Variants in SPOCK1 observed in about 807,000 individuals in gnomAD.
The protein encoded by SPOCK1 is testican-1.
A neutral mutation model predicts 55.3 loss-of-function variants in SPOCK1; 23 were observed. That is an observed-to-expected ratio of 0.42 (90% CI 0.30 to 0.59). The LOEUF (loss-of-function observed/expected upper bound fraction) is 0.59, where lower values mean the gene tolerates loss of function less well. Ranked by LOEUF, SPOCK1 falls within the 20% of genes least tolerant of loss-of-function variation. The pLI, the probability that SPOCK1 is intolerant of heterozygous loss-of-function variation, is 0.22. For synonymous variants in SPOCK1, 226 were observed against 221.0 expected (o/e 1.02, Z -0.20); for missense variants, 499 against 552.5 (o/e 0.90, Z 0.97).
intron 2 of SPOCK1, among the ~76,000 whole-genome samples, chr5:137,363,470 C>T (rs1439915310): frequency 6.6e-6 from 1 of 152,162 alleles, no homozygotes; most frequent in Non-Finnish European, 1.5e-5. Flanking sequence ...CACAGTTCAG[C>T]TTGATGGTTA....
intron 2 of SPOCK1, among the ~76,000 whole-genome samples, chr5:137,451,958 A>AT (rs543013476): frequency 1.4e-4 from 21 of 152,120 alleles, no homozygotes; most frequent in Non-Finnish European, 2.5e-4. Flanking sequence ...TAGATTTTGG[A>AT]TTTTTTCCAT....
intron 9 of SPOCK1, among the ~76,000 whole-genome samples, chr5:136,982,198 A>G (rs1249027374): frequency 6.6e-6 from 1 of 152,186 alleles, no homozygotes; most frequent in Non-Finnish European, 1.5e-5. Context: ...ATGTCTATAG[A>G]GCAACTGATG....
chr5:137,397,063 A>G (rs180913206), intron 2 of SPOCK1, among the ~76,000 whole-genome samples: 1 of 152,332 alleles, frequency 6.6e-6, no homozygotes, highest in African/African-American at 2.4e-5. Flanking sequence ...TAAGTGAGCA[A>G]TTGAGGCAGG....
At chr5:137,142,203 A>G (rs1333287989) in intron 3 of SPOCK1, among the ~76,000 whole-genome samples, 1 of 152,212 alleles carries the variant, frequency 6.6e-6, no homozygotes, top group Non-Finnish European at 1.5e-5. Flanking sequence ...AAGAAATGAC[A>G]TGGTCAAAAA....
In SPOCK1 at chr5:136,977,402, C is replaced by A. The variant is rs572031912; in HGVS notation, c.*1252G>T. 3.2e-5 allele frequency: 5 copies of A among 158,484 alleles called. No homozygotes were observed. Among genetic ancestry groups the A allele is most frequent in the African/African-American group, 1.2e-4 (5 of 41,740 alleles). 9.8% of individuals were successfully genotyped at this position (158,484 alleles called of 1,614,324 possible). A position where few individuals can be genotyped will look rare whatever the true frequency, so the allele number is the denominator to read the frequency against. The stretch of plus-strand genomic sequence containing the variant: ...GTGTTATTACGATGTTCTTTGTAGG[C>A]CTCCATTTGGGATTGAGTGGTTAAA... On this transcript the variant is annotated 3_prime_UTR_variant, in exon 11 of 11. Coordinates refer to ENST00000394945, the MANE Select transcript of SPOCK1 (RefSeq NM_004598.4).
intron 3 of SPOCK1, among the ~76,000 whole-genome samples, chr5:137,156,548 A>T: frequency 6.6e-6 from 1 of 152,024 alleles, no homozygotes; most frequent in East Asian, 1.9e-4. Context: ...CACCTACTAC[A>T]TGCAGAGAGT....
At chr5:137,281,372 G>A (rs867722421) in intron 2 of SPOCK1, among the ~76,000 whole-genome samples, 1 of 152,146 alleles carries the variant, frequency 6.6e-6, no homozygotes, top group Non-Finnish European at 1.5e-5. Context: ...GAGCTTCTTG[G>A]GCCATGATCA....
chr5:137,283,381 C>T (rs191593243), intron 2 of SPOCK1, among the ~76,000 whole-genome samples: 8 of 152,236 alleles, frequency 5.3e-5, no homozygotes, highest in Admixed American at 2.6e-4. Flanking sequence ...GCATGCCTGT[C>T]GGCCTCAGTC....
intron 6 of SPOCK1, among the ~76,000 whole-genome samples, chr5:137,028,245 C>T (rs1751713975): frequency 1.3e-5 from 2 of 152,254 alleles, no homozygotes; most frequent in African/African-American, 4.8e-5. Context: ...TCTCTGGCCA[C>T]ATGAAACAGA....
chr5:137,051,242 T>C (rs930701485), intron 6 of SPOCK1, among the ~76,000 whole-genome samples: 1 of 152,226 alleles, frequency 6.6e-6, no homozygotes, highest in Non-Finnish European at 1.5e-5. Context: ...TTATTAGTAG[T>C]ACTTTTCCAA....
At position 137,242,544 on chromosome 5, in the gene SPOCK1, T is replaced by G. The variant is rs1254503408; in HGVS notation, c.232+24466A>C. 5.9e-5 allele frequency among the ~76,000 whole-genome samples: 9 copies of G among 152,284 alleles called. 1 individual carries two copies. The Middle Eastern group carries it at 0.02, about 345-fold the overall frequency. On this transcript the variant is annotated intron_variant, in intron 3 of 10. Coordinates refer to ENST00000394945, the MANE Select transcript of SPOCK1 (RefSeq NM_004598.4). ...TCTCAGGCATTTCTTCATAGCAGTA[T>G]GAAAATGGACTAATACACTTGTCTC...
At chr5:137,165,538 C>A (rs1754633992) in intron 3 of SPOCK1, among the ~76,000 whole-genome samples, 1 of 152,078 alleles carries the variant, frequency 6.6e-6, no homozygotes, top group Admixed American at 6.5e-5. Flanking sequence ...TCATGATGAT[C>A]CAGGAAAACA....
intron 5 of SPOCK1, among the ~76,000 whole-genome samples, chr5:137,073,046 G>A (rs1580736187): frequency 6.6e-6 from 1 of 152,234 alleles, no homozygotes; most frequent in Non-Finnish European, 1.5e-5. Context: ...GAGTGGCTCA[G>A]TGTTCATCTG....
intron 2 of SPOCK1, among the ~76,000 whole-genome samples, chr5:137,306,486 T>C (rs891751366): frequency 3.9e-5 from 6 of 152,142 alleles, no homozygotes; most frequent in African/African-American, 1.4e-4. Flanking sequence ...GTGTAGGAAG[T>C]TGTGTGCTTT....
chr5:137,193,788 G>A (rs969602784), intron 3 of SPOCK1, among the ~76,000 whole-genome samples: 1 of 152,152 alleles, frequency 6.6e-6, no homozygotes, highest in Non-Finnish European at 1.5e-5. Context: ...TAGCTTTGGG[G>A]GTGCAAATGG....
At chr5:137,104,459 C>T (rs1157146233) in intron 5 of SPOCK1, among the ~76,000 whole-genome samples, 2 of 152,180 alleles carry the variant, frequency 1.3e-5, no homozygotes, top group Non-Finnish European at 2.9e-5. Flanking sequence ...CTAATACAAA[C>T]AAAATCAAAA....
intron 3 of SPOCK1, among the ~76,000 whole-genome samples, chr5:137,214,356 G>A (rs1442065384): frequency 6.6e-6 from 1 of 152,114 alleles, no homozygotes; most frequent in African/African-American, 2.4e-5. Flanking sequence ...CCTCCCTAGA[G>A]TACCAATGCC....
At chr5:137,372,687 T>A (rs1369752514) in intron 2 of SPOCK1, among the ~76,000 whole-genome samples, 1 of 152,084 alleles carries the variant, frequency 6.6e-6, no homozygotes, top group Admixed American at 6.5e-5. Flanking sequence ...CAGTGTAAAA[T>A]ACCAGAAGAT....
intron 3 of SPOCK1, among the ~76,000 whole-genome samples, chr5:137,260,601 A>C (rs1756727031): frequency 6.6e-6 from 1 of 152,242 alleles, no homozygotes; most frequent in Non-Finnish European, 1.5e-5. Flanking sequence ...TGAGATTCAA[A>C]TTTTATAGCT....
Sources: allele counts gnomAD v4.1 joint callset (sites outside exome capture counted in the v4.1 genomes callset), GRCh38; gene constraint gnomAD v4.1.1; transcripts MANE v1.5; gene names NCBI Gene and HGNC (gene_info 2026-07-23, HGNC 2026-07-21).